Variants in C3orf33 observed in about 807,000 individuals in gnomAD.
The protein encoded by C3orf33 is mitochondrial inner membrane subdomain organizer 1.
Under a neutral mutation model 28.7 loss-of-function variants are expected in C3orf33, and 23 were observed. That is an observed-to-expected ratio of 0.80 (90% CI 0.58 to 1.13). The LOEUF (loss-of-function observed/expected upper bound fraction) is 1.13, where lower values mean the gene tolerates loss of function less well. Ranked by LOEUF, C3orf33 falls within the 50% of genes most tolerant of loss-of-function variation. The pLI is 0.00. For synonymous variants in C3orf33, 119 were observed against 120.5 expected (o/e 0.99, Z 0.08); for missense variants, 327 against 353.4 (o/e 0.93, Z 0.60).
intron 2 of C3orf33, among the ~76,000 whole-genome samples, chr3:155,787,301 C>T (rs913911619): frequency 6.6e-6 from 1 of 150,506 alleles, no homozygotes; most frequent in East Asian, 2.0e-4. Flanking sequence ...TGGGCTCAAT[C>T]GATCCTCCCA....
rs1750320760 is a variant in C3orf33, at chr3:155,764,020, C to T, written c.484-102G>A. On this transcript the variant is annotated intron_variant, in intron 4 of 4. Transcript: ENST00000340171. ...AATCAGTCATTCAACAATTTTAGTC[C>T]TCCAAAGAAAAGGCAAAAATGGTCC... 8 of 992,288 alleles carry T rather than the reference C, an allele frequency of 8.1e-6. No individual in the cohort carries two copies. The South Asian group carries it at 2.8e-4, about 34-fold the overall frequency. 61.5% of individuals were successfully genotyped at this position (992,288 alleles called of 1,614,324 possible). A position where few individuals can be genotyped will look rare whatever the true frequency, so the allele number is the denominator to read the frequency against.
At chr3:155,796,895 C>T (rs1190377126) in intron 2 of C3orf33, among the ~76,000 whole-genome samples, 3 of 152,118 alleles carry the variant, frequency 2.0e-5, no homozygotes, top group Non-Finnish European at 4.4e-5. Flanking sequence ...ATCATATTGA[C>T]AAAATGAAGG....
At chr3:155,792,685 T>C (rs1423308942) in intron 2 of C3orf33, among the ~76,000 whole-genome samples, 1 of 151,960 alleles carries the variant, frequency 6.6e-6, no homozygotes, top group Non-Finnish European at 1.5e-5. Context: ...AAAAATGCAA[T>C]TGACATATTG....
At position 155,763,638 on chromosome 3, in the gene C3orf33, T is replaced by C. The variant is rs1268601798; in HGVS notation, c.764A>G (p.Glu255Gly). 2 of 1,597,018 alleles carry C rather than the reference T, an allele frequency of 1.3e-6. No homozygotes were observed. The highest frequency in any genetic ancestry group is 1.7e-6 in the Non-Finnish European group (2 of 1,175,846). Reference protein sequence around the residue: ...TTGSDFSLKKESYYEKLKRTY... With the variant: ...TTGSDFSLKKGSYYEKLKRTY... ...CCTTTTAAGTTTTTCATAATAACTTTCTTTTTTCAAGCTGAAATCTGATCC... is the reference window on the plus strand; with the variant it reads ...CCTTTTAAGTTTTTCATAATAACTTCCTTTTTTCAAGCTGAAATCTGATCC... Residue 255 changes from glutamate (E) to glycine (G), a missense_variant, in exon 5 of 5, where the codon GAA (glutamate) becomes GGA (glycine). Coordinates refer to ENST00000340171, the MANE Select transcript of C3orf33 (RefSeq NM_001308229.2).
At position 155,774,666 on chromosome 3, in the gene C3orf33, CTTTTTT is replaced by C. The variant is rs62815064; in HGVS notation, c.322+1029_322+1034del. Among the ~76,000 whole-genome samples, 5 of 95,250 alleles carry C rather than the reference CTTTTTT, an allele frequency of 5.2e-5. No homozygotes were observed. In the East Asian group the frequency reaches 1.8e-3, roughly 34 times the overall value. The allele number at this position is 95,250 out of a possible 152,430, so 62.5% of individuals were successfully genotyped here. A position where few individuals can be genotyped will look rare whatever the true frequency, so the allele number is the denominator to read the frequency against. Reference sequence around the variant, plus strand: ...CTTAAAACGTTATGATATTGTTTTGCTTTTTTTTTTTTTTTTTTTTTAGCTCATCAG... The same window carrying C: ...CTTAAAACGTTATGATATTGTTTTGCTTTTTTTTTTTTTTTAGCTCATCAG... On this transcript the variant is annotated intron_variant, in intron 3 of 4. Coordinates refer to ENST00000340171, the MANE Select transcript of C3orf33 (RefSeq NM_001308229.2).
intron 2 of C3orf33, among the ~76,000 whole-genome samples, chr3:155,792,053 G>C (rs1231359776): frequency 1.3e-5 from 2 of 152,078 alleles, no homozygotes; most frequent in Non-Finnish European, 2.9e-5. Context: ...CTTCAGGTCT[G>C]ACCAAATACA....
At chr3:155,765,112 A>G (rs1055298914) in intron 4 of C3orf33, among the ~76,000 whole-genome samples, 4 of 152,234 alleles carry the variant, frequency 2.6e-5, no homozygotes, top group Non-Finnish European at 5.9e-5. Flanking sequence ...GGAGAAGTAA[A>G]TTATCACTCT....
At chr3:155,779,026 G>A (rs1243170965) in intron 2 of C3orf33, among the ~76,000 whole-genome samples, 1 of 152,138 alleles carries the variant, frequency 6.6e-6, no homozygotes, top group African/African-American at 2.4e-5. Flanking sequence ...AACTAATGAA[G>A]GATGGGAGAG....
rs147316891 is a variant in C3orf33 at position 155,781,371 on chromosome 3, T to C, written c.175-5523A>G. On this transcript the variant is annotated intron_variant, in intron 2 of 4. Transcript: ENST00000340171. ...CCAAACTCATCTGTAACACAACAAATATTTTTGTTTGCTTGTTTTTGTTTT... is the reference window on the plus strand; with the variant it reads ...CCAAACTCATCTGTAACACAACAAACATTTTTGTTTGCTTGTTTTTGTTTT... Among the ~76,000 whole-genome samples the C allele has an allele frequency of 4.6e-3, 702 of 152,238 alleles. 10 individuals are homozygous for C. Among genetic ancestry groups the C allele is most frequent in the African/African-American group, 0.016 (655 of 41,532 alleles).
chr3:155,790,033 G>T (rs942796064), intron 2 of C3orf33, among the ~76,000 whole-genome samples: 3 of 151,864 alleles, frequency 2.0e-5, no homozygotes, highest in African/African-American at 7.2e-5. Context: ...ATGTAGTGGC[G>T]CATGCCTGTA....
intron 2 of C3orf33, among the ~76,000 whole-genome samples, chr3:155,794,116 G>A (rs1751412285): frequency 1.3e-5 from 2 of 151,850 alleles, no homozygotes; most frequent in East Asian, 3.9e-4. Context: ...CAAGTAGCTG[G>A]GATTACAGGT....
intron 3 of C3orf33, among the ~76,000 whole-genome samples, chr3:155,773,122 T>TA (rs1227917106): frequency 6.6e-6 from 1 of 152,174 alleles, no homozygotes; most frequent in Non-Finnish European, 1.5e-5. Flanking sequence ...AACCAAGAAG[T>TA]AAAAATAGTG....
intron 3 of C3orf33, among the ~76,000 whole-genome samples, chr3:155,773,712 C>G (rs1424503357): frequency 6.6e-6 from 1 of 152,134 alleles, no homozygotes; most frequent in Non-Finnish European, 1.5e-5. Context: ...GGAATATCAC[C>G]CCTGTAGACA....
intron 2 of C3orf33, among the ~76,000 whole-genome samples, chr3:155,789,486 G>A (rs1371567059): frequency 6.6e-6 from 1 of 151,834 alleles, no homozygotes; most frequent in Non-Finnish European, 1.5e-5. Flanking sequence ...TAAATGAAAA[G>A]ACATCCCATG....
At position 155,763,416 on chromosome 3, in the gene C3orf33, T is replaced by A; in HGVS notation, c.*101A>T. ...TTTAAATACCATTGGACTAACACTT[T>A]GATCATTTGGCAAAACTTCCATTTT... On this transcript the variant is annotated 3_prime_UTR_variant, in exon 5 of 5. Transcript: ENST00000340171. 1.2e-6 allele frequency: 1 copy of A among 808,978 alleles called. No individual in the cohort carries two copies. Among genetic ancestry groups the A allele is most frequent in the Non-Finnish European group, 1.8e-6 (1 of 569,798 alleles). The allele number at this position is 808,978 out of a possible 1,614,324, so 50.1% of individuals were successfully genotyped here.
intron 1 of C3orf33, 121 bp downstream of exon 1, chr3:155,806,018 C>A: frequency 3.1e-6 from 2 of 644,382 alleles, no homozygotes; most frequent in South Asian, 3.2e-5. Flanking sequence ...GCTCATTCCC[C>A]CGCAGTTTTC....
At chr3:155,795,854 G>A (rs1190660355) in intron 2 of C3orf33, among the ~76,000 whole-genome samples, 2 of 152,018 alleles carry the variant, frequency 1.3e-5, no homozygotes, top group African/African-American at 4.8e-5. Flanking sequence ...TAATCAGGAG[G>A]CTGAGGCAGA....
intron 2 of C3orf33, among the ~76,000 whole-genome samples, chr3:155,789,789 G>A (rs558879997): frequency 2.8e-4 from 43 of 152,308 alleles, no homozygotes; most frequent in African/African-American, 1.0e-3. Context: ...CAATGGAACA[G>A]AGAGGCCAGG....
intron 3 of C3orf33, 88 bp downstream of exon 3, chr3:155,775,613 A>T (rs1369048852): frequency 3.2e-5 from 30 of 927,098 alleles, no homozygotes; most frequent in Non-Finnish European, 4.6e-5. Context: ...ATTAGGAATT[A>T]AAATGACTTT....
Sources: allele counts gnomAD v4.1 joint callset (sites outside exome capture counted in the v4.1 genomes callset), GRCh38; gene constraint gnomAD v4.1.1; transcripts MANE v1.5; gene names NCBI Gene and HGNC (gene_info 2026-07-23, HGNC 2026-07-21).